The following SETD2 variants were observed in gnomAD, a reference collection of about 807,000 sequenced individuals.
SETD2 encodes SET domain containing 2, histone lysine methyltransferase.
In SETD2, 31 loss-of-function variants were observed where a neutral mutation model predicts 242.1. That is an observed-to-expected ratio of 0.13 (90% confidence interval 0.10 to 0.17). The LOEUF (loss-of-function observed/expected upper bound fraction) is 0.17. SETD2 is among the 10% of genes least tolerant of loss of function. The pLI is 1.00. For missense variants in SETD2, 2,481 were observed against 3,046.3 expected, an observed-to-expected ratio of 0.81 and a Z score of 4.37; for synonymous variants, 1,006 against 1,066.5, an observed-to-expected ratio of 0.94 and a Z score of 1.11.
At chr3:47,142,120 G>A (rs1343493786) in intron 1 of SETD2, among the ~76,000 whole-genome samples, 1 of 152,196 alleles carries the variant, frequency 6.6e-6, no homozygotes, top group Non-Finnish European at 1.5e-5. Context: ...CTAGTAAAAG[G>A]TTGTAACAGT....
intron 16 of SETD2, among the ~76,000 whole-genome samples, chr3:47,046,172 T>C (rs552192716): frequency 2.0e-5 from 3 of 151,300 alleles, no homozygotes; most frequent in Admixed American, 6.6e-5. Flanking sequence ...ACTCCGTCTC[T>C]ACTAAAAATA....
At chr3:47,104,874 C>A (rs901180457) in intron 6 of SETD2, among the ~76,000 whole-genome samples, 1 of 152,144 alleles carries the variant, frequency 6.6e-6, no homozygotes, top group Non-Finnish European at 1.5e-5. Context: ...TCTGTTTTAG[C>A]CTTCGGTCTG....
At chr3:47,031,861 A>G (rs1397885258) in intron 18 of SETD2, among the ~76,000 whole-genome samples, 2 of 152,226 alleles carry the variant, frequency 1.3e-5, no homozygotes, top group Non-Finnish European at 2.9e-5. Context: ...AAATAACATT[A>G]GCAAATCTAT....
chr3:47,112,857 T>G (rs1234280179), intron 5 of SETD2, among the ~76,000 whole-genome samples: 1 of 152,220 alleles, frequency 6.6e-6, no homozygotes, highest in Non-Finnish European at 1.5e-5. Flanking sequence ...CCCAAAGTGC[T>G]GGGATTACAA....
intron 1 of SETD2, chr3:47,163,586 G>A (rs912168905): frequency 1.6e-5 from 3 of 182,040 alleles, no homozygotes; most frequent in Non-Finnish European, 3.4e-5. Context: ...CGTAGGGACC[G>A]TGGCCGCCCC....
rs2043035732 is a variant in SETD2 at position 47,120,608 on chromosome 3, T to A, written c.4028A>T (p.Gln1343Leu). Residue 1343 changes from glutamine to leucine, a missense_variant, in exon 3 of 21, where the codon CAA becomes CTA. Transcript: ENST00000409792. ...DDREEEENWD[Q>L]QDGSHFSDQS... ...GTCTGAAAAATGGGATCCATCCTGT[T>A]GATCCCAATTCTCCTCTTCTTCACG... 1 of 1,613,844 alleles carries A rather than the reference T, an allele frequency of 6.2e-7. No individual in the cohort carries two copies. The highest frequency in any genetic ancestry group is 2.2e-5 in the East Asian group (1 of 44,904).
At chr3:47,028,353 T>C (rs1274667954) in intron 18 of SETD2, among the ~76,000 whole-genome samples, 3 of 152,180 alleles carry the variant, frequency 2.0e-5, no homozygotes, top group South Asian at 2.1e-4. Flanking sequence ...AGATAAACTA[T>C]AAGCTAACAA....
intron 9 of SETD2, among the ~76,000 whole-genome samples, chr3:47,092,724 T>C (rs1222283923): frequency 2.6e-5 from 4 of 152,006 alleles, no homozygotes. Flanking sequence ...CAACATACAG[T>C]ATGCAGAATA....
intron 1 of SETD2, among the ~76,000 whole-genome samples, chr3:47,134,208 T>G (rs2043542830): frequency 6.6e-6 from 1 of 152,206 alleles, no homozygotes; most frequent in Admixed American, 6.5e-5. Flanking sequence ...TCTAAATCCT[T>G]GATCCGCTTC....
At chr3:47,077,671 T>C (rs1380393889) in intron 12 of SETD2, among the ~76,000 whole-genome samples, 1 of 152,156 alleles carries the variant, frequency 6.6e-6, no homozygotes, top group Non-Finnish European at 1.5e-5. Flanking sequence ...GACAACTTCA[T>C]CTAGAATCCA....
intron 12 of SETD2, among the ~76,000 whole-genome samples, chr3:47,072,768 A>G (rs2040879854): frequency 7.4e-6 from 1 of 135,560 alleles, no homozygotes. Context: ...ACACGGTGAA[A>G]CCCTGTCTCT....
At chr3:47,060,938 G>T (rs887425352) in intron 14 of SETD2, among the ~76,000 whole-genome samples, 1 of 152,066 alleles carries the variant, frequency 6.6e-6, no homozygotes, top group Non-Finnish European at 1.5e-5. Context: ...ATACTTCACA[G>T]AACAGCCAGG....
intron 13 of SETD2, among the ~76,000 whole-genome samples, chr3:47,064,862 C>CT (rs926784627): frequency 2.0e-5 from 3 of 150,014 alleles, no homozygotes; most frequent in African/African-American, 7.3e-5. Flanking sequence ...TTTTAGAAAC[C>CT]TGAGACTGAG....
upstream of SETD2, among the ~76,000 whole-genome samples, chr3:47,164,132 G>C (rs867172686): frequency 2.6e-5 from 4 of 152,014 alleles, no homozygotes; most frequent in Non-Finnish European, 4.4e-5. The surrounding 1 kb of genome is among the most constrained non-coding windows in gnomAD (Gnocchi z 5.4). Context: ...CCCTCACACC[G>C]GGAGCGACGC....
intron 15 of SETD2, among the ~76,000 whole-genome samples, chr3:47,049,325 A>G (rs1308230531): frequency 2.0e-4 from 4 of 19,962 alleles, no homozygotes; most frequent in African/African-American, 1.3e-3. Flanking sequence ...ATATATATAT[A>G]TATATATATA....
intron 10 of SETD2, 88 bp from the exon 11 acceptor site, chr3:47,086,402 G>T: frequency 7.5e-7 from 1 of 1,333,446 alleles, no homozygotes. Flanking sequence ...TCATGTATAC[G>T]TTACACATTA....
At chr3:47,025,159 A>T (rs2107505365) in intron 18 of SETD2, among the ~76,000 whole-genome samples, 1 of 152,188 alleles carries the variant, frequency 6.6e-6, no homozygotes, top group South Asian at 2.1e-4. Context: ...CAATGAACTT[A>T]ATCTCCACAC....
intron 1 of SETD2, among the ~76,000 whole-genome samples, chr3:47,143,093 G>A (rs2043771076): frequency 6.6e-6 from 1 of 152,160 alleles, no homozygotes; most frequent in South Asian, 2.1e-4. Context: ...AGGAGCTCAA[G>A]ACTAGTCTGG....
chr3:47,062,432 T>C (rs2107590794), intron 13 of SETD2, 86 bp from the exon 14 acceptor site: 1 of 1,242,784 alleles, frequency 8.0e-7, no homozygotes, highest in Non-Finnish European at 1.1e-6. Flanking sequence ...GTATCAACTG[T>C]ATAATAAAAC....
Sources: allele counts gnomAD v4.1 joint callset (sites outside exome capture counted in the v4.1 genomes callset), GRCh38; gene constraint gnomAD v4.1.1; non-coding constraint Gnocchi (gnomAD v3.1); transcripts MANE v1.5; gene names NCBI Gene and HGNC (gene_info 2026-07-23, HGNC 2026-07-21).